Variants in TRAPPC12 observed in about 807,000 individuals in gnomAD.
The protein encoded by TRAPPC12 is trafficking protein particle complex subunit 12.
A neutral mutation model predicts 69.2 loss-of-function variants in TRAPPC12; 61 were observed. The observed-to-expected ratio is 0.88, with a 90% CI of 0.72 to 1.09. TRAPPC12 has a LOEUF of 1.09. TRAPPC12 is among the 50% of genes least tolerant of loss of function. TRAPPC12 has a pLI of 0.00. For missense variants in TRAPPC12, 1,101 were observed against 1,016.4 expected (o/e 1.08, Z -1.13); for synonymous variants, 469 against 438.9 (o/e 1.07, Z -0.86).
chr2:3,389,871 T>A (rs1660731437), intron 2 of TRAPPC12: 1 of 454,874 alleles, frequency 2.2e-6, no homozygotes, highest in South Asian at 1.6e-5. Context: ...TCAGGTGGTG[T>A]CTCTCCCAGT....
intron 2 of TRAPPC12, among the ~76,000 whole-genome samples, chr2:3,399,806 G>GC (rs1341440708): frequency 3.2e-4 from 44 of 138,560 alleles, no homozygotes; most frequent in Admixed American, 3.5e-4. Context: ...TCTTTCCCCC[G>GC]CTCCCCCCGC....
intron 2 of TRAPPC12, among the ~76,000 whole-genome samples, chr2:3,393,542 G>A (rs1286545119): frequency 2.6e-5 from 4 of 151,982 alleles, no homozygotes; most frequent in East Asian, 3.9e-4. Context: ...GGGTAGTGAC[G>A]GTTGTGTTAA....
intron 9 of TRAPPC12, among the ~76,000 whole-genome samples, chr2:3,476,589 A>G (rs1265173982): frequency 1.3e-5 from 2 of 152,234 alleles, no homozygotes; most frequent in African/African-American, 4.8e-5. Context: ...TGCTTTGAAC[A>G]AAGCCTTGTC....
chr2:3,476,050 C>T (rs898341796), intron 9 of TRAPPC12, among the ~76,000 whole-genome samples: 1 of 152,186 alleles, frequency 6.6e-6, no homozygotes, highest in African/African-American at 2.4e-5. Context: ...TTTTAGTCCG[C>T]AAGTGGGAAA....
At chr2:3,452,434 G>T (rs1442656109) in intron 6 of TRAPPC12, among the ~76,000 whole-genome samples, 3 of 152,228 alleles carry the variant, frequency 2.0e-5, no homozygotes, top group Non-Finnish European at 4.4e-5. Context: ...GGAGTGCTCA[G>T]GAATGCATGG....
intron 3 of TRAPPC12, among the ~76,000 whole-genome samples, chr2:3,406,586 C>T (rs1661746665): frequency 6.6e-6 from 1 of 152,206 alleles, no homozygotes; most frequent in Non-Finnish European, 1.5e-5. Context: ...GAAAAAACAG[C>T]TAATTTGTAA....
At chr2:3,440,617 A>C (rs1016351520) in intron 5 of TRAPPC12, among the ~76,000 whole-genome samples, 4 of 152,160 alleles carry the variant, frequency 2.6e-5, no homozygotes, top group Non-Finnish European at 4.4e-5. Context: ...ATTGCAAACA[A>C]GTAGTTTTAT....
chr2:3,388,554 C>G lies in TRAPPC12; in HGVS notation c.931C>G (p.Leu311Val). The stretch of plus-strand genomic sequence containing the variant: ...GATGGACCGGAGGAACGACGCCTGG[C>G]TTCCCGGCGAGGCTACGCGTGGAGT... ...SEMDRRNDAW[L>V]PGEATRGVLR... Residue 311 changes from leucine (L) to valine (V), a missense_variant, in exon 2 of 12, where the codon CTT becomes GTT. Leu to Val is a conservative substitution (Grantham distance 32). Transcript: ENST00000324266. The G allele has an allele frequency of 6.2e-7, 1 of 1,613,066 alleles. No individual in the cohort carries two copies. The highest frequency in any genetic ancestry group is 8.5e-7 in the Non-Finnish European group (1 of 1,179,752).
At chr2:3,473,181 G>T (rs1043860036) in intron 9 of TRAPPC12, among the ~76,000 whole-genome samples, 3 of 152,012 alleles carry the variant, frequency 2.0e-5, no homozygotes, top group Non-Finnish European at 4.4e-5. Flanking sequence ...AGAGAGAGCA[G>T]GTGAGGGGGG....
At chr2:3,394,910 G>T (rs947877725) in intron 2 of TRAPPC12, among the ~76,000 whole-genome samples, 3 of 152,100 alleles carry the variant, frequency 2.0e-5, no homozygotes, top group African/African-American at 7.2e-5. Flanking sequence ...AGATAATGTT[G>T]TATATTCTGT....
At chr2:3,385,222 A>T (rs1660439280) in intron 1 of TRAPPC12, among the ~76,000 whole-genome samples, 1 of 152,146 alleles carries the variant, frequency 6.6e-6, no homozygotes, top group African/African-American at 2.4e-5. Context: ...ATCCTTACTT[A>T]CAAGCATTTT....
In TRAPPC12 at chr2:3,471,503, AG is replaced by A. The variant is rs1479233193; in HGVS notation, c.1776+5809del. Among the ~76,000 whole-genome samples, 4 of 152,252 alleles carry A rather than the reference AG, an allele frequency of 2.6e-5. No homozygotes were observed. The East Asian group carries it at 7.7e-4, about 29-fold the overall frequency. On this transcript the variant is annotated intron_variant, in intron 9 of 11. Coordinates refer to ENST00000324266, the MANE Select transcript of TRAPPC12 (RefSeq NM_016030.6). ...CACAGTCCCTTCATCTTCATCACAC[AG>A]AGCCTCCTTTAGAGCACCAGGGCCT...
At chr2:3,427,464 T>C (rs916895055) in intron 5 of TRAPPC12, among the ~76,000 whole-genome samples, 17 of 152,250 alleles carry the variant, frequency 1.1e-4, no homozygotes, top group African/African-American at 4.1e-4. Flanking sequence ...TGGTTTCTTT[T>C]CCTACTGAGG....
At chr2:3,391,844 G>A (rs1444145482) in intron 2 of TRAPPC12, among the ~76,000 whole-genome samples, 2 of 152,054 alleles carry the variant, frequency 1.3e-5, no homozygotes, top group Non-Finnish European at 2.9e-5. Context: ...CTCTCTCGGG[G>A]TCTTTGTCCT....
intron 8 of TRAPPC12, 89 bp from the exon 9 acceptor site, chr2:3,465,508 G>A (rs569380126): frequency 1.5e-5 from 13 of 896,506 alleles, no homozygotes; most frequent in African/African-American, 1.1e-4. Context: ...TCTCTACACC[G>A]CGTCTGTATA....
In TRAPPC12 at chr2:3,463,176, T is replaced by C. The variant is rs555635871; in HGVS notation, c.1678-2421T>C. On this transcript the variant is annotated intron_variant, in intron 8 of 11. Coordinates refer to ENST00000324266, the MANE Select transcript of TRAPPC12 (RefSeq NM_016030.6). The stretch of plus-strand genomic sequence containing the variant: ...TGGCCATTTTACCTGTGAAGGGCTG[T>C]TTCCTCTTCAGTAAATAAAGTCATT... 4 of 297,680 alleles carry C rather than the reference T, an allele frequency of 1.3e-5. No homozygotes were observed. The East Asian group carries it at 4.4e-4, about 33-fold the overall frequency. The allele number at this position is 297,680 out of a possible 1,614,324, so 18.4% of individuals were successfully genotyped here.
chr2:3,417,242 C>T (rs925966902), intron 3 of TRAPPC12, among the ~76,000 whole-genome samples: 3 of 152,118 alleles, frequency 2.0e-5, no homozygotes, highest in East Asian at 1.9e-4. Flanking sequence ...GACAGGTTCG[C>T]GCTGTCCCTC....
At chr2:3,452,209 T>C (rs147935591) in intron 6 of TRAPPC12, among the ~76,000 whole-genome samples, 292 of 152,224 alleles carry the variant, frequency 1.9e-3, no homozygotes, top group Non-Finnish European at 3.2e-3. Flanking sequence ...GAGGCTGGGT[T>C]CCTGGCCTCA....
At chr2:3,474,569 C>T (rs962023626) in intron 9 of TRAPPC12, among the ~76,000 whole-genome samples, 6 of 152,330 alleles carry the variant, frequency 3.9e-5, no homozygotes, top group African/African-American at 9.6e-5. Flanking sequence ...GTTTCTGCCA[C>T]GGAAACACTG....
Sources: gnomAD v4.1 joint callset for allele counts (sites outside exome capture counted in the v4.1 genomes callset) on GRCh38, gnomAD v4.1.1 for gene constraint, MANE v1.5 for transcripts, NCBI Gene and HGNC (gene_info 2026-07-23, HGNC 2026-07-21) for gene names.